The following WIF1 variants were observed in gnomAD, a reference collection of about 807,000 sequenced individuals.
The protein encoded by WIF1 is Wnt inhibitory factor 1.
WIF1 carries 35 observed loss-of-function variants against 53.5 expected under a neutral mutation model. That is an observed-to-expected ratio of 0.65 (90% CI 0.50 to 0.87). The LOEUF is 0.87. Ranked by LOEUF, WIF1 falls within the 40% of genes least tolerant of loss-of-function variation. The pLI, the probability that WIF1 is intolerant of heterozygous loss-of-function variation, is 0.00. For missense variants in WIF1, 467 were observed against 476.8 expected (o/e 0.98, Z 0.19); for synonymous variants, 171 against 170.4 (o/e 1.00, Z -0.03).
chr12:65,103,546 A>G (rs562763843), intron 2 of WIF1, among the ~76,000 whole-genome samples: 5 of 152,310 alleles, frequency 3.3e-5, no homozygotes, highest in Non-Finnish European at 7.4e-5. Flanking sequence ...TTGGGAATCA[A>G]AAATATTCCA....
At chr12:65,108,502 C>T (rs1252150644) in intron 2 of WIF1, among the ~76,000 whole-genome samples, 1 of 152,144 alleles carries the variant, frequency 6.6e-6, no homozygotes, top group Non-Finnish European at 1.5e-5. Flanking sequence ...CCAAACTGTT[C>T]TGCCCTTGCT....
Position 65,064,216 on chromosome 12 carries a change from GT to G in WIF1, c.731-1641del, listed in dbSNP as rs559070907. 1.9e-3 allele frequency among the ~76,000 whole-genome samples: 294 copies of G among 152,336 alleles called. 2 individuals are homozygous for G. The highest frequency in any genetic ancestry group is 1.2e-3 in the Non-Finnish European group (83 of 68,038). ...TGATGTGTAGAATGCAATGAACCTGGTAGCTTCATAGAAAGTTGTAGAATTC... is the reference window on the plus strand; with the variant it reads ...TGATGTGTAGAATGCAATGAACCTGGAGCTTCATAGAAAGTTGTAGAATTC... On this transcript the variant is annotated intron_variant, in intron 6 of 9. Transcript: ENST00000286574.
intron 2 of WIF1, among the ~76,000 whole-genome samples, chr12:65,100,007 C>A (rs1256636762): frequency 6.6e-6 from 1 of 151,936 alleles, no homozygotes; most frequent in Non-Finnish European, 1.5e-5. Context: ...ATAAATGTCC[C>A]AAACTCTGTT....
chr12:65,060,620 GA>G (rs1882597617), intron 7 of WIF1, among the ~76,000 whole-genome samples: 1 of 152,208 alleles, frequency 6.6e-6, no homozygotes, highest in South Asian at 2.1e-4. Flanking sequence ...GAATTTGATA[GA>G]GGTGATGGCT....
chr12:65,068,648 CATGTGTGT>C (rs1565750852), intron 4 of WIF1, 108 bp downstream of exon 4: 8 of 1,103,254 alleles, frequency 7.3e-6, no homozygotes, highest in Non-Finnish European at 9.5e-6. Flanking sequence ...TCCAAAAAAC[CATGTGTGT>C]GTGTGTGTGT....
chr12:65,066,754 C>A lies in WIF1; in HGVS notation c.635-18G>T. The A allele has an allele frequency of 6.4e-7, 1 of 1,570,722 alleles. No homozygotes were observed. The highest frequency in any genetic ancestry group is 8.6e-7 in the Non-Finnish European group (1 of 1,158,472). On this transcript the variant is annotated intron_variant, in intron 5 of 9. Coordinates refer to ENST00000286574, the MANE Select transcript of WIF1 (RefSeq NM_007191.5). ...ACAAAGGGCTTATAGGGAGAGAGAA[C>A]CCTGATTAAGGCCAAATGGTATTTT...
chr12:65,061,134 C>T (rs1305258224), intron 7 of WIF1, among the ~76,000 whole-genome samples: 1 of 152,006 alleles, frequency 6.6e-6, no homozygotes, highest in East Asian at 1.9e-4. Flanking sequence ...GAATAGAAAC[C>T]ACACCCAGAC....
At chr12:65,099,892 C>A (rs1883254875) in intron 2 of WIF1, among the ~76,000 whole-genome samples, 1 of 152,098 alleles carries the variant, frequency 6.6e-6, no homozygotes, top group South Asian at 2.1e-4. Context: ...ACTTGTTAAT[C>A]CCACTCTACT....
At chr12:65,056,366 CTTTTTTTTTTTTTTTTTTT>C (rs10584146) in intron 7 of WIF1, among the ~76,000 whole-genome samples, 40 of 24,264 alleles carry the variant, frequency 1.6e-3, no homozygotes, top group African/African-American at 2.8e-3. Flanking sequence ...CATTTATATC[CTTTTTTTTTTTTTTTTTTT>C]TTTTTTTTTT....
At chr12:65,088,685 C>T (rs1883078802) in intron 2 of WIF1, among the ~76,000 whole-genome samples, 2 of 151,984 alleles carry the variant, frequency 1.3e-5, no homozygotes, top group Non-Finnish European at 2.9e-5. Context: ...GTAACTTCTC[C>T]TTCTCTTCTT....
chr12:65,118,268 T>C (rs1194245698), intron 2 of WIF1, among the ~76,000 whole-genome samples: 1 of 152,266 alleles, frequency 6.6e-6, no homozygotes, highest in Non-Finnish European at 1.5e-5. Context: ...GCTTTAGCCA[T>C]AGATACCTTT....
intron 2 of WIF1, among the ~76,000 whole-genome samples, chr12:65,107,998 T>A (rs1883375036): frequency 6.6e-6 from 1 of 152,226 alleles, no homozygotes; most frequent in Admixed American, 6.5e-5. Flanking sequence ...CTTGTTAGTA[T>A]CTTAGTGTGA....
chr12:65,116,823 C>T (rs1221309299), intron 2 of WIF1, among the ~76,000 whole-genome samples: 1 of 149,718 alleles, frequency 6.7e-6, no homozygotes, highest in Non-Finnish European at 1.5e-5. Flanking sequence ...ATCCCAGCTA[C>T]TCAGGAGGCT....
chr12:65,057,616 T>A (rs1324981035), intron 7 of WIF1, among the ~76,000 whole-genome samples: 1 of 152,076 alleles, frequency 6.6e-6, no homozygotes, highest in Non-Finnish European at 1.5e-5. Flanking sequence ...TTGGATTGCT[T>A]TTGTTGTTCT....
Position 65,051,436 on chromosome 12 carries a change from T to A in WIF1, c.1053A>T (p.Pro351=). 1 of 1,613,370 alleles carries A rather than the reference T, an allele frequency of 6.2e-7. No individual in the cohort carries two copies. The highest frequency in any genetic ancestry group is 8.5e-7 in the Non-Finnish European group (1 of 1,179,708). ...TGTGCTGCCTGAGCTGGGCGCCTGC[T>A]GGCCTCAGGGCATGTATGAGGCTGG... is the stretch of plus-strand genomic sequence containing the variant. The part of the protein sequence containing the change: ...YEASLIHALR[P]AGAQLRQHTP... Residue 351 remains proline (P), a synonymous_variant, in exon 10 of 10, where the codon CCA becomes CCT. Transcript: ENST00000286574.
At position 65,121,206 on chromosome 12, in the gene WIF1, C is replaced by G; in HGVS notation, c.-15G>C. ...CTCCGGGCCATGCTGCTCAGGACCTCCTCGCTGCCGGGAAAACTCCTCGTG... is the reference window on the plus strand; with the variant it reads ...CTCCGGGCCATGCTGCTCAGGACCTGCTCGCTGCCGGGAAAACTCCTCGTG... On this transcript the variant is annotated 5_prime_UTR_variant, in exon 1 of 10. Coordinates refer to ENST00000286574, the MANE Select transcript of WIF1 (RefSeq NM_007191.5). 2.7e-6 allele frequency: 4 copies of G among 1,470,740 alleles called. No individual in the cohort carries two copies. Among genetic ancestry groups the G allele is most frequent in the Non-Finnish European group, 3.6e-6 (4 of 1,105,612 alleles). 91.1% of individuals were successfully genotyped at this position (1,470,740 alleles called of 1,614,324 possible). A position where few individuals can be genotyped will look rare whatever the true frequency, so the allele number is the denominator to read the frequency against.
At chr12:65,102,796 T>C (rs1427699325) in intron 2 of WIF1, among the ~76,000 whole-genome samples, 6 of 152,186 alleles carry the variant, frequency 3.9e-5, no homozygotes, top group African/African-American at 1.4e-4. Context: ...TGGCCCTCTG[T>C]TCCACCCAAA....
chr12:65,056,366 CTTTTTTTTTTTTTTTTTTTT>C (rs10584146), intron 7 of WIF1, among the ~76,000 whole-genome samples: 42 of 24,266 alleles, frequency 1.7e-3, no homozygotes, highest in East Asian at 0.016. Flanking sequence ...CATTTATATC[CTTTTTTTTTTTTTTTTTTTT>C]TTTTTTTTTT....
Position 65,120,533 on chromosome 12 carries a change from C to T in WIF1, c.172G>A (p.Val58Ile), listed in dbSNP as rs1238769127. 1.9e-6 allele frequency: 3 copies of T among 1,613,578 alleles called. No homozygotes were observed. The highest frequency in any genetic ancestry group is 2.7e-5 in the African/African-American group (2 of 74,914). Reference sequence around the variant, plus strand: ...AAAGGTGCCATTTTCCCCTCTGAAACAATCAGGATATCTTCTTCAAATCCT... The same window carrying T: ...AAAGGTGCCATTTTCCCCTCTGAAATAATCAGGATATCTTCTTCAAATCCT... ...LIGFEEDILI[V>I]SEGKMAPFTH... The change falls in exon 2 of 10, where the codon GTT becomes ATT. Residue 58 changes from valine to isoleucine, a missense_variant. Val to Ile is a conservative substitution (Grantham distance 29). Transcript: ENST00000286574.
Sources: gnomAD v4.1 joint callset for allele counts (sites outside exome capture counted in the v4.1 genomes callset) on GRCh38, gnomAD v4.1.1 for gene constraint, MANE v1.5 for transcripts, NCBI Gene and HGNC (gene_info 2026-07-23, HGNC 2026-07-21) for gene names.